Variants in GOLGA3 observed in about 807,000 individuals in gnomAD.
GOLGA3 encodes golgin subfamily A member 3.
A neutral mutation model predicts 169.4 loss-of-function variants in GOLGA3; 75 were observed. That is an observed-to-expected ratio of 0.44 (90% CI 0.37 to 0.54). GOLGA3 has a LOEUF of 0.54. Among genes scored for constraint, GOLGA3 ranks in the 20% least tolerant of loss-of-function variants. GOLGA3 has a pLI of 0.00. For missense variants in GOLGA3, 1,899 were observed against 1,930.0 expected, an observed-to-expected ratio of 0.98 and a Z score of 0.30; for synonymous variants, 824 against 822.4, an observed-to-expected ratio of 1.00 and a Z score of -0.03.
chr12:132,772,992 G>A lies in GOLGA3; in HGVS notation c.*113C>T. On this transcript the variant is annotated 3_prime_UTR_variant, in exon 24 of 24. Transcript: ENST00000450791. ...CTATATATTTTACTTCTTGTTAAAG[G>A]CAAAACAAAACTTAAATTTCATGTC... 1 of 783,488 alleles carries A rather than the reference G, an allele frequency of 1.3e-6. No homozygotes were observed. The highest frequency in any genetic ancestry group is 3.3e-5 in the Admixed American group (1 of 30,132). The allele number at this position is 783,488 out of a possible 1,614,324, so 48.5% of individuals were successfully genotyped here.
chr12:132,775,863 G>A (rs2045198368), intron 21 of GOLGA3, among the ~76,000 whole-genome samples: 1 of 152,232 alleles, frequency 6.6e-6, no homozygotes, highest in Non-Finnish European at 1.5e-5. Flanking sequence ...TCTTTGTTGA[G>A]AAGTTTATCG....
At chr12:132,775,024 C>T in intron 22 of GOLGA3, 117 bp downstream of exon 22, 1 of 784,692 alleles carries the variant, frequency 1.3e-6, no homozygotes, top group Non-Finnish European at 2.0e-6. Context: ...AGCAGCTGCT[C>T]AGTGTGGGCT....
chr12:132,786,887 G>A (rs957869360), intron 13 of GOLGA3, 100 bp from the exon 14 acceptor site: 10 of 815,932 alleles, frequency 1.2e-5, no homozygotes, highest in Non-Finnish European at 1.9e-5. Context: ...GCACTGCTCA[G>A]GCTCGCCCTG....
chr12:132,818,597 G>GA (rs948323576), intron 2 of GOLGA3, among the ~76,000 whole-genome samples: 136 of 152,306 alleles, frequency 8.9e-4, no homozygotes, highest in African/African-American at 3.1e-3. Flanking sequence ...GAAATCTTAT[G>GA]AAAGTCGCCA....
chr12:132,790,804 T>G (rs901152062), intron 12 of GOLGA3, among the ~76,000 whole-genome samples: 2 of 151,832 alleles, frequency 1.3e-5, no homozygotes, highest in Admixed American at 6.6e-5. Context: ...TCCCAGCACT[T>G]TGGGAGGCCG....
rs867592418 is a variant in GOLGA3 at position 132,770,336 on chromosome 12, T to C, written c.*2769A>G. On this transcript the variant is annotated 3_prime_UTR_variant, in exon 24 of 24. Coordinates refer to ENST00000450791, the MANE Select transcript of GOLGA3 (RefSeq NM_001389683.1). ...GCCTCAGATCCAGAAGCACAAGCCGTGCATGAAAACACCAAAAGACTCACT... is the reference window on the plus strand; with the variant it reads ...GCCTCAGATCCAGAAGCACAAGCCGCGCATGAAAACACCAAAAGACTCACT... 1 of 149,674 alleles carries C rather than the reference T, an allele frequency of 6.7e-6. No individual in the cohort carries two copies. Among genetic ancestry groups the C allele is most frequent in the Non-Finnish European group, 1.5e-5 (1 of 68,010 alleles). 9.3% of individuals were successfully genotyped at this position (149,674 alleles called of 1,614,324 possible).
chr12:132,780,817 A>ACCT lies in GOLGA3; in HGVS notation c.3560_3562dup (p.Lys1187_Val1188insGlu). On this transcript the variant is annotated inframe_insertion, in exon 18 of 24. Transcript: ENST00000450791. ...ACGCACCTGCTCCTTGAGGCTGTTC[A>ACCT]CCTTCTCCTTCTCCTTCTCTAGTGA... 1 of 1,609,082 alleles carries ACCT rather than the reference A, an allele frequency of 6.2e-7. No homozygotes were observed. The highest frequency in any genetic ancestry group is 8.5e-7 in the Non-Finnish European group (1 of 1,177,562).
chr12:132,795,080 GGGAGACTGA>G (rs1289134516), intron 11 of GOLGA3, among the ~76,000 whole-genome samples: 1 of 151,918 alleles, frequency 6.6e-6, no homozygotes, highest in African/African-American at 2.4e-5. Context: ...CTAGCTACTT[GGGAGACTGA>G]GGCAGGAGAA....
chr12:132,775,351 C>A, intron 21 of GOLGA3, 46 bp from the exon 22 acceptor site: 1 of 1,519,390 alleles, frequency 6.6e-7, no homozygotes, highest in Non-Finnish European at 9.0e-7. Flanking sequence ...AGATCTTAAA[C>A]ATCCTGCCAA....
chr12:132,780,068 C>A (rs1178974421), intron 18 of GOLGA3, among the ~76,000 whole-genome samples: 2 of 142,092 alleles, frequency 1.4e-5, no homozygotes, highest in Admixed American at 7.1e-5. Context: ...CACACACACA[C>A]CCCAGGCACA....
At position 132,770,420 on chromosome 12, in the gene GOLGA3, C is replaced by T. The variant is rs2044847368; in HGVS notation, c.*2685G>A. The T allele has an allele frequency of 6.6e-6, 1 of 152,072 alleles. No homozygotes were observed. 9.4% of individuals were successfully genotyped at this position (152,072 alleles called of 1,614,324 possible). On this transcript the variant is annotated 3_prime_UTR_variant, in exon 24 of 24. Transcript: ENST00000450791. The stretch of plus-strand genomic sequence containing the variant: ...CAGAGGGGGCCCTGGCACCGGCGAC[C>T]ACAGAGCGCTGGGGGAGGCATCGCA...
At position 132,807,890 on chromosome 12, in the gene GOLGA3, C is replaced by G. The variant is rs1272569205; in HGVS notation, c.1178+1G>C. ...CCGCCCACCTCTGCTGTCCCCACCA[C>G]CTGCTGCAGATGCTGTCTCTCCGAC... is the stretch of plus-strand genomic sequence containing the variant. On this transcript the variant is annotated splice_donor_variant, in intron 5 of 23. Coordinates refer to ENST00000450791, the MANE Select transcript of GOLGA3 (RefSeq NM_001389683.1). LOFTEE classifies it high-confidence loss of function. The G allele has an allele frequency of 6.3e-7, 1 of 1,596,182 alleles. No homozygotes were observed. Among genetic ancestry groups the G allele is most frequent in the Admixed American group, 1.7e-5 (1 of 58,600 alleles).
chr12:132,807,074 G>A (rs747028461), intron 6 of GOLGA3, 103 bp downstream of exon 6: 13 of 640,652 alleles, frequency 2.0e-5, no homozygotes, highest in African/African-American at 7.2e-5. Context: ...ATGCTGCGGC[G>A]GCTGATTCCC....
intron 2 of GOLGA3, 60 bp downstream of exon 2, chr12:132,821,936 C>T (rs927733344): frequency 2.6e-5 from 28 of 1,088,054 alleles, no homozygotes; most frequent in East Asian, 1.9e-4. Context: ...CTCAACACCA[C>T]GTCCTCCCTC....
In GOLGA3 at chr12:132,786,926, A is replaced by T; in HGVS notation, c.2812-139T>A. On this transcript the variant is annotated intron_variant, in intron 13 of 23. Coordinates refer to ENST00000450791, the MANE Select transcript of GOLGA3 (RefSeq NM_001389683.1). Reference sequence around the variant, plus strand: ...GACTTGGGCCTTGAGAAAAATCCTGAGAGAGACGTCTGCCTTCTTACAAAC... The same window carrying T: ...GACTTGGGCCTTGAGAAAAATCCTGTGAGAGACGTCTGCCTTCTTACAAAC... 3 of 645,244 alleles carry T rather than the reference A, an allele frequency of 4.6e-6. No individual in the cohort carries two copies. The South Asian group carries it at 5.5e-5, about 12-fold the overall frequency. The allele number at this position is 645,244 out of a possible 1,614,324, so 40.0% of individuals were successfully genotyped here.
rs375340887 is a variant in GOLGA3 at position 132,786,315 on chromosome 12, C to T, written c.3123+24G>A. The T allele has an allele frequency of 3.8e-5, 57 of 1,511,416 alleles. No individual in the cohort carries two copies. The East Asian group carries it at 6.6e-4, about 17-fold the overall frequency. The allele number at this position is 1,511,416 out of a possible 1,614,324, so 93.6% of individuals were successfully genotyped here. The stretch of plus-strand genomic sequence containing the variant: ...GCACTGAGGGGCTGGTGACCCTGGC[C>T]GGGGATGGCACGGTGTTACCTACAT... On this transcript the variant is annotated intron_variant, in intron 15 of 23. Coordinates refer to ENST00000450791, the MANE Select transcript of GOLGA3 (RefSeq NM_001389683.1).
At chr12:132,826,490 C>T (rs1335426423) in intron 1 of GOLGA3, among the ~76,000 whole-genome samples, 1 of 152,010 alleles carries the variant, frequency 6.6e-6, no homozygotes, top group Non-Finnish European at 1.5e-5. Flanking sequence ...AGAGGGCACG[C>T]CAACATGGTG....
rs2044983225 is a variant in GOLGA3, at chr12:132,773,055, TTGATA to T, written c.*45_*49del. 7.9e-7 allele frequency: 1 copy of T among 1,262,798 alleles called. No individual in the cohort carries two copies. The highest frequency in any genetic ancestry group is 1.1e-6 in the Non-Finnish European group (1 of 926,416). 78.2% of individuals were successfully genotyped at this position (1,262,798 alleles called of 1,614,324 possible). ...CGACCACACAATCAAATAAATAACA[TTGATA>T]AGAGCCTTCTGGGGCAGCGGCGCAC... On this transcript the variant is annotated 3_prime_UTR_variant, in exon 24 of 24. Coordinates refer to ENST00000450791, the MANE Select transcript of GOLGA3 (RefSeq NM_001389683.1).
At chr12:132,788,359 A>G (rs1425660697) in intron 13 of GOLGA3, among the ~76,000 whole-genome samples, 1 of 152,116 alleles carries the variant, frequency 6.6e-6, no homozygotes, top group Non-Finnish European at 1.5e-5. Flanking sequence ...GACTCTCCCC[A>G]AATTTACTGT....
Sources: gnomAD v4.1 joint callset for allele counts (sites outside exome capture counted in the v4.1 genomes callset) on GRCh38, gnomAD v4.1.1 for gene constraint, MANE v1.5 for transcripts, NCBI Gene and HGNC (gene_info 2026-07-23, HGNC 2026-07-21) for gene names.